Variants in RAD51B observed in about 807,000 individuals in gnomAD.
RAD51B encodes the protein DNA repair protein RAD51 homolog 2.
RAD51B carries 38 observed loss-of-function variants against 42.2 expected under a neutral mutation model. The ratio of observed to expected loss-of-function variants is 0.90; its 90% confidence interval spans 0.70 to 1.18. The LOEUF (loss-of-function observed/expected upper bound fraction) is 1.18. Ranked by LOEUF, RAD51B falls within the 50% of genes most tolerant of loss-of-function variation. The probability of loss-of-function intolerance (pLI) is 0.00; values close to 1 mark genes in which losing one functional copy is unlikely to be tolerated. For missense variants in RAD51B, 373 were observed against 400.7 expected, an observed-to-expected ratio of 0.93 and a Z score of 0.59; for synonymous variants, 154 against 145.2, an observed-to-expected ratio of 1.06 and a Z score of -0.43.
At chr14:68,664,003 G>T (rs73276101) in intron 11 of RAD51B, among the ~76,000 whole-genome samples, 4,404 of 152,294 alleles carry the variant, frequency 0.029, 208 homozygotes, top group African/African-American at 0.097. Flanking sequence ...ACCATTGAGG[G>T]TATTGCTTTG....
intron 7 of RAD51B, among the ~76,000 whole-genome samples, chr14:68,088,494 T>C (rs2077035763): frequency 6.6e-6 from 1 of 152,084 alleles, no homozygotes; most frequent in African/African-American, 2.4e-5. Flanking sequence ...TCTTCTTCCT[T>C]TCTTTCAGAT....
intron 7 of RAD51B, among the ~76,000 whole-genome samples, chr14:68,154,450 A>G (rs558876947): frequency 3.9e-5 from 6 of 152,308 alleles, no homozygotes; most frequent in African/African-American, 1.4e-4. Flanking sequence ...CTCCTCTCAG[A>G]GCATTCTTTC....
chr14:68,153,161 A>T (rs972182695), intron 7 of RAD51B, among the ~76,000 whole-genome samples: 6 of 152,172 alleles, frequency 3.9e-5, no homozygotes, highest in Non-Finnish European at 8.8e-5. Context: ...TTACTGTGCC[A>T]CTTTACGTAT....
At chr14:67,884,875 T>C (rs1293463289) in intron 5 of RAD51B, among the ~76,000 whole-genome samples, 1 of 152,238 alleles carries the variant, frequency 6.6e-6, no homozygotes, top group Non-Finnish European at 1.5e-5. Context: ...TTCTCTTTTA[T>C]TTCTGATCAT....
intron 10 of RAD51B, among the ~76,000 whole-genome samples, chr14:68,573,537 T>A (rs2094903767): frequency 6.6e-6 from 1 of 152,212 alleles, no homozygotes; most frequent in African/African-American, 2.4e-5. Context: ...CTATCCCCCT[T>A]ACCTGGCTTT....
chr14:68,644,928 T>C (rs1187497390), intron 10 of RAD51B, among the ~76,000 whole-genome samples: 1 of 152,246 alleles, frequency 6.6e-6, no homozygotes, highest in Non-Finnish European at 1.5e-5. Flanking sequence ...TTTTATATAC[T>C]TGAGATTATA....
intron 5 of RAD51B, among the ~76,000 whole-genome samples, chr14:67,876,931 G>T (rs540137448): frequency 1.3e-5 from 2 of 152,224 alleles, no homozygotes; most frequent in East Asian, 3.9e-4. Context: ...ATATTGTTTT[G>T]GGGTTTGATG....
intron 8 of RAD51B, among the ~76,000 whole-genome samples, chr14:68,400,887 A>G (rs1165117265): frequency 6.6e-6 from 1 of 152,076 alleles, no homozygotes; most frequent in African/African-American, 2.4e-5. Context: ...ACTACAAGTC[A>G]CCATTCAGGA....
At chr14:67,995,557 CT>C (rs1308355686) in intron 7 of RAD51B, among the ~76,000 whole-genome samples, 2 of 151,684 alleles carry the variant, frequency 1.3e-5, no homozygotes, top group Admixed American at 6.6e-5. Flanking sequence ...ACCCATACTG[CT>C]TTTTTCCCCC....
chr14:68,557,220 G>A (rs1471760274), intron 10 of RAD51B, among the ~76,000 whole-genome samples: 6 of 152,116 alleles, frequency 3.9e-5, no homozygotes, highest in African/African-American at 9.7e-5. Context: ...TAAACCCATC[G>A]AAAGTTGAAA....
intron 10 of RAD51B, among the ~76,000 whole-genome samples, chr14:68,534,612 C>A (rs188627449): frequency 1.4e-4 from 22 of 152,036 alleles, no homozygotes; most frequent in African/African-American, 4.8e-4. Flanking sequence ...TTGGTGAAGG[C>A]GCGAAGATGA....
At chr14:68,115,903 A>G (rs1289518410) in intron 7 of RAD51B, among the ~76,000 whole-genome samples, 2 of 151,928 alleles carry the variant, frequency 1.3e-5, no homozygotes, top group East Asian at 1.9e-4. Context: ...ATCGGTGTCA[A>G]TACCCTTCCT....
At chr14:68,664,474 G>T (rs1214387864) in intron 11 of RAD51B, among the ~76,000 whole-genome samples, 1 of 152,092 alleles carries the variant, frequency 6.6e-6, no homozygotes, top group African/African-American at 2.4e-5. Flanking sequence ...AGGTTCTCTG[G>T]TCAGTCGCAT....
intron 7 of RAD51B, among the ~76,000 whole-genome samples, chr14:67,888,180 A>G (rs978392049): frequency 2.6e-5 from 4 of 152,190 alleles, no homozygotes; most frequent in African/African-American, 7.2e-5. Context: ...GCATACTTTA[A>G]TGGCTTTTTA....
At chr14:68,629,394 A>G (rs1442154507) in intron 10 of RAD51B, among the ~76,000 whole-genome samples, 4 of 152,228 alleles carry the variant, frequency 2.6e-5, no homozygotes, top group African/African-American at 9.7e-5. Flanking sequence ...TCTTCTTTAA[A>G]GGTAGAGAAA....
At chr14:68,064,216 G>A (rs2076613907) in intron 7 of RAD51B, among the ~76,000 whole-genome samples, 1 of 152,136 alleles carries the variant, frequency 6.6e-6, no homozygotes, top group African/African-American at 2.4e-5. Context: ...GAATAGCTTT[G>A]ATCGGTATAG....
In RAD51B at chr14:68,123,535, C is replaced by T. The variant is rs569632789; in HGVS notation, c.757-168349C>T. ...AAAGTTAGATGATATCAGCTGGGCA[C>T]GGTGGCTCACACCTGTAATCCCAGC... On this transcript the variant is annotated intron_variant, in intron 7 of 10. Transcript: ENST00000471583. Among the ~76,000 whole-genome samples the T allele has an allele frequency of 9.9e-5, 15 of 152,122 alleles. No homozygotes were observed. The South Asian group carries it at 1.7e-3, about 17-fold the overall frequency.
chr14:68,667,955 C>T (rs1247421019), intron 11 of RAD51B, among the ~76,000 whole-genome samples: 1 of 152,106 alleles, frequency 6.6e-6, no homozygotes, highest in South Asian at 2.1e-4. Flanking sequence ...GCATTTTCCC[C>T]GTTGTGAGGC....
At chr14:68,253,752 C>A (rs1403137648) in intron 7 of RAD51B, among the ~76,000 whole-genome samples, 1 of 152,194 alleles carries the variant, frequency 6.6e-6, no homozygotes, top group Non-Finnish European at 1.5e-5. Context: ...AATGTTATCT[C>A]CGTTTCACTG....
Sources: gnomAD v4.1 joint callset for allele counts (sites outside exome capture counted in the v4.1 genomes callset) on GRCh38, gnomAD v4.1.1 for gene constraint, MANE v1.5 for transcripts, NCBI Gene and HGNC (gene_info 2026-07-23, HGNC 2026-07-21) for gene names.